The following CLEC16A variants were observed in gnomAD, a reference collection of about 807,000 sequenced individuals.
The protein encoded by CLEC16A is protein CLEC16A.
In CLEC16A, 51 loss-of-function variants were observed where a neutral mutation model predicts 109.5. That is an observed-to-expected ratio of 0.47 (90% CI 0.37 to 0.59). The LOEUF is 0.59. CLEC16A is among the 20% of genes least tolerant of loss of function. The pLI, the probability that CLEC16A is intolerant of heterozygous loss-of-function variation, is 0.00. For synonymous variants in CLEC16A, 673 were observed against 564.2 expected, an observed-to-expected ratio of 1.19 and a Z score of -2.73; for missense variants, 1,339 against 1,394.0, an observed-to-expected ratio of 0.96 and a Z score of 0.63.
intron 19 of CLEC16A, among the ~76,000 whole-genome samples, chr16:11,084,191 C>A (rs1280109910): frequency 6.6e-6 from 1 of 152,084 alleles, no homozygotes; most frequent in Non-Finnish European, 1.5e-5. Context: ...TTATTCCTGC[C>A]ACCATGGTCC....
intron 19 of CLEC16A, among the ~76,000 whole-genome samples, chr16:11,096,439 A>C (rs1360371881): frequency 6.6e-6 from 1 of 152,186 alleles, no homozygotes; most frequent in East Asian, 1.9e-4. Context: ...TTTCTTCCAG[A>C]CCTGTGTCCC....
rs1362241272 is a variant in CLEC16A, at chr16:11,180,419, C to G, written c.*1729C>G. Reference sequence around the variant, plus strand: ...AAAGGGGGCCACATGGGCAGAAACCCAAAGGAAGGACAAACCACGACCACC... The same window carrying G: ...AAAGGGGGCCACATGGGCAGAAACCGAAAGGAAGGACAAACCACGACCACC... On this transcript the variant is annotated 3_prime_UTR_variant, in exon 24 of 24. Transcript: ENST00000409790. 6.6e-6 allele frequency: 1 copy of G among 152,354 alleles called. No homozygotes were observed. Among genetic ancestry groups the G allele is most frequent in the Non-Finnish European group, 1.5e-5 (1 of 68,146 alleles). 9.4% of individuals were successfully genotyped at this position (152,354 alleles called of 1,614,324 possible). A position where few individuals can be genotyped will look rare whatever the true frequency, so the allele number is the denominator to read the frequency against.
intron 19 of CLEC16A, among the ~76,000 whole-genome samples, chr16:11,080,737 C>T (rs530214016): frequency 9.0e-4 from 137 of 152,318 alleles, no homozygotes; most frequent in Middle Eastern, 3.4e-3. Flanking sequence ...TCCCTCCATT[C>T]TCAAAGCCAG....
At chr16:10,948,584 C>A (rs530327036) in intron 1 of CLEC16A, among the ~76,000 whole-genome samples, 8 of 152,188 alleles carry the variant, frequency 5.3e-5, no homozygotes, top group African/African-American at 1.9e-4. Flanking sequence ...TGCAAGTCTG[C>A]GGCTGGTAGA....
At chr16:11,031,419 T>C (rs1402996578) in intron 13 of CLEC16A, among the ~76,000 whole-genome samples, 4 of 152,220 alleles carry the variant, frequency 2.6e-5, no homozygotes, top group Non-Finnish European at 2.9e-5. Context: ...TGTGCTGCCA[T>C]GCACCTTCAT....
chr16:11,087,874 T>C (rs1817722669), intron 19 of CLEC16A, among the ~76,000 whole-genome samples: 1 of 152,224 alleles, frequency 6.6e-6, no homozygotes, highest in Admixed American at 6.5e-5. Flanking sequence ...AGGGGAGGCC[T>C]ACCCAGTTTG....
At chr16:11,125,825 C>G (rs995406788) in intron 21 of CLEC16A, among the ~76,000 whole-genome samples, 154 bp from the exon 22 acceptor site, 1 of 152,150 alleles carries the variant, frequency 6.6e-6, no homozygotes. Flanking sequence ...TTCCACTGGT[C>G]TCTGCAGCTT....
chr16:11,032,727 G>C (rs1388220143), intron 13 of CLEC16A, among the ~76,000 whole-genome samples: 1 of 152,176 alleles, frequency 6.6e-6, no homozygotes, highest in Admixed American at 6.5e-5. Flanking sequence ...GCAAAGACCT[G>C]GGGCAAGAGT....
intron 11 of CLEC16A, among the ~76,000 whole-genome samples, chr16:11,003,667 T>C (rs1315799305): frequency 6.6e-6 from 1 of 152,224 alleles, no homozygotes; most frequent in Non-Finnish European, 1.5e-5. Flanking sequence ...CCATTCTAAA[T>C]GCTGCAAAGG....
chr16:11,162,835 G>T (rs2054772448), intron 22 of CLEC16A, among the ~76,000 whole-genome samples: 1 of 152,202 alleles, frequency 6.6e-6, no homozygotes, highest in African/African-American at 2.4e-5. Context: ...TATCCTTGTA[G>T]TTCGGTATGT....
rs71136611 is a variant in CLEC16A at position 11,071,753 on chromosome 16, A to ATTTT, written c.2116+10754_2116+10757dup. 6.5e-4 allele frequency among the ~76,000 whole-genome samples: 40 copies of ATTTT among 61,282 alleles called. 2 individuals carry two copies. Among genetic ancestry groups the ATTTT allele is most frequent in the African/African-American group, 2.8e-3 (37 of 13,192 alleles). 40.2% of individuals were successfully genotyped at this position (61,282 alleles called of 152,430 possible). Reference sequence around the variant, plus strand: ...AGATGTGCACCACCACACCTGGCTGATTTTTTTTTTTTTTTTTTTTTTTTT... The same window carrying ATTTT: ...AGATGTGCACCACCACACCTGGCTGATTTTTTTTTTTTTTTTTTTTTTTTTTTTT... On this transcript the variant is annotated intron_variant, in intron 19 of 23. Coordinates refer to ENST00000409790, the MANE Select transcript of CLEC16A (RefSeq NM_015226.3).
At chr16:11,027,290 TG>T (rs1403436227) in intron 13 of CLEC16A, 11 of 1,545,496 alleles carry the variant, frequency 7.1e-6, no homozygotes, top group Non-Finnish European at 9.7e-6. Context: ...CCTTGGCCTT[TG>T]TTGTACGCAT....
chr16:11,025,039 T>G, intron 13 of CLEC16A, 118 bp downstream of exon 13: 1 of 756,820 alleles, frequency 1.3e-6, no homozygotes, highest in Non-Finnish European at 2.2e-6. Flanking sequence ...TCCTTTCTGG[T>G]TTTGGTGGTC....
chr16:11,148,821 C>G (rs965693561), intron 22 of CLEC16A, among the ~76,000 whole-genome samples: 2 of 152,216 alleles, frequency 1.3e-5, no homozygotes, highest in African/African-American at 4.8e-5. Context: ...CACCAGAATG[C>G]TCTCCCTCCT....
At chr16:11,027,245 G>T (rs2046460057) in intron 13 of CLEC16A, 1 of 1,539,666 alleles carries the variant, frequency 6.5e-7, no homozygotes, top group African/African-American at 1.4e-5. Flanking sequence ...GACTAGAAGT[G>T]AAACCTCATG....
intron 22 of CLEC16A, among the ~76,000 whole-genome samples, chr16:11,159,213 C>T (rs2054635109): frequency 6.6e-6 from 1 of 152,194 alleles, no homozygotes; most frequent in Non-Finnish European, 1.5e-5. Context: ...TCTACCAGGC[C>T]CTGCCATCTC....
chr16:11,032,566 T>C (rs980872084), intron 13 of CLEC16A, among the ~76,000 whole-genome samples: 10 of 152,022 alleles, frequency 6.6e-5, no homozygotes, highest in Admixed American at 2.6e-4. Context: ...CTGTGACAAA[T>C]GGTAGAAGGA....
intron 19 of CLEC16A, among the ~76,000 whole-genome samples, chr16:11,100,162 A>C (rs1378881758): frequency 6.6e-6 from 1 of 152,190 alleles, no homozygotes; most frequent in African/African-American, 2.4e-5. Flanking sequence ...CATCAAGCTG[A>C]AGAAGGTGCA....
intron 2 of CLEC16A, 130 bp downstream of exon 2, chr16:10,958,040 T>C (rs2042074244): frequency 3.7e-6 from 3 of 810,358 alleles, no homozygotes; most frequent in African/African-American, 1.8e-5. Flanking sequence ...TATCTATCTC[T>C]GTCTAGCTGT....
Sources: gnomAD v4.1 joint callset for allele counts (sites outside exome capture counted in the v4.1 genomes callset) on GRCh38, gnomAD v4.1.1 for gene constraint, MANE v1.5 for transcripts, NCBI Gene and HGNC (gene_info 2026-07-23, HGNC 2026-07-21) for gene names.